The following NOL4 variants were observed in gnomAD, a reference collection of about 807,000 sequenced individuals.
The protein encoded by NOL4 is cancer/testis antigen 125.
Under a neutral mutation model 75.9 loss-of-function variants are expected in NOL4, and 17 were observed. That is an observed-to-expected ratio of 0.22 (90% CI 0.15 to 0.34). The LOEUF is 0.34. NOL4 is among the 10% of genes least tolerant of loss of function. The probability of loss-of-function intolerance (pLI) is 1.00; values close to 1 mark genes in which losing one functional copy is unlikely to be tolerated. For synonymous variants in NOL4, 292 were observed against 289.9 expected (o/e 1.01, Z -0.07); for missense variants, 614 against 793.5 (o/e 0.77, Z 2.72).
Position 33,859,203 on chromosome 18 carries a change from T to C in NOL4, c.1724-6168A>G, listed in dbSNP as rs564829952. On this transcript the variant is annotated intron_variant, in intron 10 of 10. Transcript: ENST00000261592. ...TTGGTTCATTAACTTTATATTTTTT[T>C]CTAATGTGTATGCCAAAATACTAAA... is the stretch of plus-strand genomic sequence containing the variant. Among the ~76,000 whole-genome samples the C allele has an allele frequency of 2.4e-3, 370 of 152,214 alleles. 1 individual carries two copies. Among genetic ancestry groups the C allele is most frequent in the Non-Finnish European group, 4.0e-3 (275 of 67,982 alleles).
At chr18:34,066,573 C>T (rs2077283520) in intron 5 of NOL4, among the ~76,000 whole-genome samples, 1 of 151,812 alleles carries the variant, frequency 6.6e-6, no homozygotes, top group African/African-American at 2.4e-5. Flanking sequence ...CATGTAGTGG[C>T]TAGTAGAAAG....
chr18:34,223,415 A>G lies in NOL4; in HGVS notation c.-162T>C. 3 of 993,244 alleles carry G rather than the reference A, an allele frequency of 3.0e-6. No homozygotes were observed. The South Asian group carries it at 5.0e-5, about 17-fold the overall frequency. The allele number at this position is 993,244 out of a possible 1,614,324, so 61.5% of individuals were successfully genotyped here. ...GGGGAAGGGATGGGAAGAGGGGAGG[A>G]GGGTCCGGTTGGGCACCAGCAATCA... is the stretch of plus-strand genomic sequence containing the variant. On this transcript the variant is annotated 5_prime_UTR_variant, in exon 1 of 11. Coordinates refer to ENST00000261592, the MANE Select transcript of NOL4 (RefSeq NM_003787.5).
intron 9 of NOL4, among the ~76,000 whole-genome samples, chr18:33,901,535 T>A (rs2065748056): frequency 6.6e-6 from 1 of 152,114 alleles, no homozygotes; most frequent in South Asian, 2.1e-4. Flanking sequence ...AAAATTAGTT[T>A]CAATTGATAA....
chr18:34,020,325 C>A (rs1022799665), intron 5 of NOL4, among the ~76,000 whole-genome samples: 2 of 152,038 alleles, frequency 1.3e-5, no homozygotes, highest in Non-Finnish European at 2.9e-5. Context: ...AATTATTTTG[C>A]AAATTGTTTT....
intron 9 of NOL4, among the ~76,000 whole-genome samples, chr18:33,923,908 A>G (rs1478399011): frequency 1.3e-5 from 2 of 152,172 alleles, no homozygotes; most frequent in African/African-American, 2.4e-5. Context: ...CCCTAGATAC[A>G]TAGTATCTAC....
chr18:34,211,097 GAAGAAGGAAGGA>G (rs765425310), intron 1 of NOL4, among the ~76,000 whole-genome samples: 80 of 135,720 alleles, frequency 5.9e-4, no homozygotes, highest in Non-Finnish European at 1.1e-3. Context: ...AGGAGGGAAG[GAAGAAGGAAGGA>G]AAGAAGGAAG....
At chr18:34,131,569 G>T (rs182809171) in intron 1 of NOL4, among the ~76,000 whole-genome samples, 118 of 152,090 alleles carry the variant, frequency 7.8e-4, no homozygotes, top group African/African-American at 2.4e-3. Flanking sequence ...AATTTGTACA[G>T]TCTCCAGCAA....
At chr18:33,910,800 C>G (rs910956752) in intron 9 of NOL4, among the ~76,000 whole-genome samples, 1 of 152,050 alleles carries the variant, frequency 6.6e-6, no homozygotes, top group African/African-American at 2.4e-5. Context: ...TGAGCCATTA[C>G]TACTAGTTCT....
At chr18:34,178,956 T>C (rs1475820592) in intron 1 of NOL4, among the ~76,000 whole-genome samples, 1 of 151,560 alleles carries the variant, frequency 6.6e-6, no homozygotes, top group Non-Finnish European at 1.5e-5. Flanking sequence ...AGAACAAGTC[T>C]CAAAATAATA....
At chr18:34,017,932 G>C (rs2144401705) in intron 6 of NOL4, among the ~76,000 whole-genome samples, 1 of 152,150 alleles carries the variant, frequency 6.6e-6, no homozygotes. Context: ...AACCATCTGT[G>C]CTTCTCAACT....
At chr18:33,974,056 T>C (rs2071294462) in intron 6 of NOL4, among the ~76,000 whole-genome samples, 4 of 152,212 alleles carry the variant, frequency 2.6e-5, no homozygotes. Context: ...AAGGCTATCT[T>C]GTCTACATTG....
At chr18:34,165,870 A>G (rs953990280) in intron 1 of NOL4, among the ~76,000 whole-genome samples, 2 of 152,018 alleles carry the variant, frequency 1.3e-5, no homozygotes, top group African/African-American at 4.8e-5. Flanking sequence ...AAATTGGTAA[A>G]TAGGCTTTTT....
chr18:34,105,539 A>C lies in NOL4; in HGVS notation c.415-379T>G, dbSNP rs532010526. On this transcript the variant is annotated intron_variant, in intron 2 of 10. Coordinates refer to ENST00000261592, the MANE Select transcript of NOL4 (RefSeq NM_003787.5). Reference sequence around the variant, plus strand: ...ACAATCAAATTTGTATCCAATTTTAAATACTCTTTTTTGTAATTTAGCCCC... The same window carrying C: ...ACAATCAAATTTGTATCCAATTTTACATACTCTTTTTTGTAATTTAGCCCC... Among the ~76,000 whole-genome samples, 65 of 152,128 alleles carry C rather than the reference A, an allele frequency of 4.3e-4. No individual in the cohort carries two copies. In the South Asian group the frequency reaches 0.013, roughly 31 times the overall value.
At chr18:34,128,988 A>C in intron 2 of NOL4, 1 of 259,358 alleles carries the variant, frequency 3.9e-6, no homozygotes, top group Admixed American at 6.5e-5. Context: ...AGAATTCTCA[A>C]AAAGGATATT....
intron 6 of NOL4, among the ~76,000 whole-genome samples, chr18:33,993,927 A>C (rs1019895991): frequency 2.0e-5 from 3 of 151,794 alleles, no homozygotes; most frequent in African/African-American, 7.2e-5. Flanking sequence ...AGATTCAAAG[A>C]TACAAATATA....
At chr18:33,988,888 T>C (rs1230533741) in intron 6 of NOL4, among the ~76,000 whole-genome samples, 1 of 152,026 alleles carries the variant, frequency 6.6e-6, no homozygotes, top group Admixed American at 6.6e-5. Flanking sequence ...TCAAGTTATT[T>C]AAAATAGAGG....
Position 33,969,875 on chromosome 18 carries a change from T to C in NOL4, c.1057-11457A>G, listed in dbSNP as rs561511012. Among the ~76,000 whole-genome samples, 4 of 152,312 alleles carry C rather than the reference T, an allele frequency of 2.6e-5. No individual in the cohort carries two copies. The South Asian group carries it at 8.3e-4, about 32-fold the overall frequency. On this transcript the variant is annotated intron_variant, in intron 6 of 10. Transcript: ENST00000261592. ...AATGAAAATCTCTTCCGCTTAATAA[T>C]TTTTAAACCTCAGCTACATTTTTTA... is the stretch of plus-strand genomic sequence containing the variant.
intron 6 of NOL4, among the ~76,000 whole-genome samples, chr18:34,003,870 T>C (rs2073880952): frequency 6.6e-6 from 1 of 151,984 alleles, no homozygotes. Flanking sequence ...TGATGGGAAG[T>C]GGGGGGTCAG....
chr18:34,186,049 T>C (rs572001101), intron 1 of NOL4, among the ~76,000 whole-genome samples: 2 of 152,312 alleles, frequency 1.3e-5, no homozygotes, highest in Admixed American at 1.3e-4. Flanking sequence ...TAATGATATC[T>C]TTAGTTCTGA....
Sources: gnomAD v4.1 joint callset for allele counts (sites outside exome capture counted in the v4.1 genomes callset) on GRCh38, gnomAD v4.1.1 for gene constraint, MANE v1.5 for transcripts, NCBI Gene and HGNC (gene_info 2026-07-23, HGNC 2026-07-21) for gene names.